The following BRCA2 variants were observed in gnomAD, a reference collection of about 807,000 sequenced individuals.
BRCA2 encodes breast cancer type 2 susceptibility protein.
BRCA2 carries 203 observed loss-of-function variants against 276.7 expected under a neutral mutation model. The observed-to-expected ratio is 0.73, with a 90% CI of 0.65 to 0.82. The LOEUF (loss-of-function observed/expected upper bound fraction) is 0.82. Ranked by LOEUF, BRCA2 falls within the 40% of genes least tolerant of loss-of-function variation. BRCA2 has a pLI of 0.00. For missense variants in BRCA2, 3,920 were observed against 3,915.0 expected (o/e 1.00, Z -0.03); for synonymous variants, 1,289 against 1,338.4 (o/e 0.96, Z 0.81).
rs71071031 is a variant in BRCA2, at chr13:32,368,001, C to CTTTTTTTTTTTT, written c.8332-2376_8332-2365dup. On this transcript the variant is annotated intron_variant, in intron 18 of 26. Transcript: ENST00000380152. ...ATTAGGGTTGTCTTTTCTTCTAATTCTTTTTTTTTTTTTTTTTTTTTTTTT... is the reference window on the plus strand; with the variant it reads ...ATTAGGGTTGTCTTTTCTTCTAATTCTTTTTTTTTTTTTTTTTTTTTTTTTTTTTTTTTTTTT... Among the ~76,000 whole-genome samples the CTTTTTTTTTTTT allele has an allele frequency of 7.9e-5, 4 of 50,728 alleles. 1 individual carries two copies. Among genetic ancestry groups the CTTTTTTTTTTTT allele is most frequent in the African/African-American group, 3.3e-4 (4 of 12,200 alleles). The allele number at this position is 50,728 out of a possible 152,430, so 33.3% of individuals were successfully genotyped here. A position where few individuals can be genotyped will look rare whatever the true frequency, so the allele number is the denominator to read the frequency against.
rs111835803 is a variant in BRCA2 at position 32,336,145 on chromosome 13, T to C, written c.1910-120T>C. The C allele has an allele frequency of 8.5e-5, 96 of 1,132,714 alleles. No individual in the cohort carries two copies. In the African/African-American group the frequency reaches 1.3e-3, roughly 15 times the overall value. 70.2% of individuals were successfully genotyped at this position (1,132,714 alleles called of 1,614,324 possible). A position where few individuals can be genotyped will look rare whatever the true frequency, so the allele number is the denominator to read the frequency against. Reference sequence around the variant, plus strand: ...TCTTCCTGCCTCAGCCTCCCAAAAGTGCTGAGATTACAGGCATGAGCCACT... The same window carrying C: ...TCTTCCTGCCTCAGCCTCCCAAAAGCGCTGAGATTACAGGCATGAGCCACT... On this transcript the variant is annotated intron_variant, in intron 10 of 26. Coordinates refer to ENST00000380152, the MANE Select transcript of BRCA2 (RefSeq NM_000059.4).
chr13:32,370,711 G>T (rs2072825670), intron 19 of BRCA2, among the ~76,000 whole-genome samples, 154 bp downstream of exon 19: 2 of 152,162 alleles, frequency 1.3e-5, no homozygotes, highest in Admixed American at 6.5e-5. Flanking sequence ...GGGTTCAAGT[G>T]ATTCTCCTGC....
chr13:32,353,904 G>A (rs1200757484), intron 13 of BRCA2, among the ~76,000 whole-genome samples: 1 of 152,188 alleles, frequency 6.6e-6, no homozygotes, highest in Non-Finnish European at 1.5e-5. Flanking sequence ...GATGCTATAT[G>A]TAGTGTAAAA....
rs1566253644 is a variant in BRCA2 at position 32,380,115 on chromosome 13, G to A, written c.9226G>A (p.Gly3076Arg). Reference protein sequence around the residue: ...QPSCSEVDLIGFVVSVVKKTG... With the variant: ...QPSCSEVDLIRFVVSVVKKTG... ...ATCTTGTTCTGAGGTGGACCTAATA[G>A]GATTTGTCGTTTCTGTTGTGAAAAA... is the stretch of plus-strand genomic sequence containing the variant. The change falls in exon 24 of 27, where the codon GGA becomes AGA. Residue 3076 changes from glycine (G) to arginine (R), a missense_variant. Coordinates refer to ENST00000380152, the MANE Select transcript of BRCA2 (RefSeq NM_000059.4). 6.2e-7 allele frequency: 1 copy of A among 1,613,724 alleles called. No individual in the cohort carries two copies. Among genetic ancestry groups the A allele is most frequent in the Admixed American group, 1.7e-5 (1 of 59,964 alleles).
chr13:32,390,980 T>C (rs1297205999), intron 24 of BRCA2, among the ~76,000 whole-genome samples: 1 of 152,170 alleles, frequency 6.6e-6, no homozygotes, highest in Non-Finnish European at 1.5e-5. Context: ...AGGGTCACAA[T>C]GCTATAAATT....
Position 32,336,504 on chromosome 13 carries a change from T to A in BRCA2, c.2149T>A (p.Cys717Ser), listed in dbSNP as rs1555282483. ...TCTGTCATGCCTGCAGGAAGGACAGTGTGAAAATGATCCAAAAAGCAAAAA... is the reference window on the plus strand; with the variant it reads ...TCTGTCATGCCTGCAGGAAGGACAGAGTGAAAATGATCCAAAAAGCAAAAA... ...DSLSCLQEGQ[C>S]ENDPKSKKVS... The change falls in exon 11 of 27, where the codon TGT becomes AGT. Residue 717 changes from cysteine to serine, a missense_variant. Around this residue, in one of 2 missense-constraint regions of BRCA2, gnomAD observed 3,263 missense variants for 3,156.9 expected, o/e 1.03. Coordinates refer to ENST00000380152, the MANE Select transcript of BRCA2 (RefSeq NM_000059.4). The A allele has an allele frequency of 6.2e-7, 1 of 1,614,006 alleles. No individual in the cohort carries two copies. Among genetic ancestry groups the A allele is most frequent in the Non-Finnish European group, 8.5e-7 (1 of 1,180,004 alleles).
In BRCA2 at chr13:32,332,951, T is replaced by A. The variant is rs2072414218; in HGVS notation, c.1473T>A (p.Thr491=). The change falls in exon 10 of 27, where the codon ACT becomes ACA. Residue 491 remains threonine, a synonymous_variant. Coordinates refer to ENST00000380152, the MANE Select transcript of BRCA2 (RefSeq NM_000059.4). ...CAGTAAAGCAGGCAATATCTGGAACTTCTCCAGTGGCTTCTTCATTTCAGG... is the reference window on the plus strand; with the variant it reads ...CAGTAAAGCAGGCAATATCTGGAACATCTCCAGTGGCTTCTTCATTTCAGG... The part of the protein sequence containing the change: ...ILAVKQAISG[T]SPVASSFQGI... 1 of 1,604,606 alleles carries A rather than the reference T, an allele frequency of 6.2e-7. No individual in the cohort carries two copies. The highest frequency in any genetic ancestry group is 8.5e-7 in the Non-Finnish European group (1 of 1,177,790).
At chr13:32,321,411 C>A (rs1399278297) in intron 3 of BRCA2, among the ~76,000 whole-genome samples, 1 of 152,132 alleles carries the variant, frequency 6.6e-6, no homozygotes, top group Non-Finnish European at 1.5e-5. Flanking sequence ...GTACCAAGTG[C>A]ATGAAAAGTG....
intron 15 of BRCA2, 112 bp from the exon 16 acceptor site, chr13:32,357,626 GTAGT>G (rs777762536): frequency 3.6e-5 from 35 of 970,286 alleles, no homozygotes; most frequent in Non-Finnish European, 5.0e-5. Context: ...GAAGATTCTA[GTAGT>G]TAATGAAAAT....
At chr13:32,325,980 A>G (rs963216259) in intron 4 of BRCA2, 121 bp from the exon 5 acceptor site, 1 of 855,002 alleles carries the variant, frequency 1.2e-6, no homozygotes, top group Admixed American at 2.6e-5. Context: ...TGTAATATAA[A>G]ATATCTAAAA....
Position 32,340,580 on chromosome 13 carries a change from A to C in BRCA2, c.6225A>C (p.Lys2075Asn), listed in dbSNP as rs80358863. 3.1e-6 allele frequency: 5 copies of C among 1,610,762 alleles called. No individual in the cohort carries two copies. The highest frequency in any genetic ancestry group is 4.2e-6 in the Non-Finnish European group (5 of 1,178,280). Residue 2075 changes from lysine (K) to asparagine (N), a missense_variant, in exon 11 of 27, where the codon AAA (lysine) becomes AAC (asparagine). By Grantham distance (94) the Lys-to-Asn change is moderately conservative (BLOSUM62 0). Around this residue, in one of 2 missense-constraint regions of BRCA2, gnomAD observed 3,263 missense variants for 3,156.9 expected, o/e 1.03. Coordinates refer to ENST00000380152, the MANE Select transcript of BRCA2 (RefSeq NM_000059.4). ...CCATTTTAGAAAGTTCCTTACACAA[A>C]GTTAAGGGAGTGTTAGAGGAATTTG... Reference protein sequence around the residue: ...QVSILESSLHKVKGVLEEFDL... With the variant: ...QVSILESSLHNVKGVLEEFDL...
At chr13:32,359,910 A>G (rs2072727603) in intron 16 of BRCA2, among the ~76,000 whole-genome samples, 1 of 152,256 alleles carries the variant, frequency 6.6e-6, no homozygotes, top group Admixed American at 6.5e-5. Context: ...GGAAAACAAA[A>G]AAGTCCCTGC....
intron 10 of BRCA2, among the ~76,000 whole-genome samples, chr13:32,335,115 A>G (rs978398268): frequency 6.6e-6 from 1 of 152,178 alleles, no homozygotes; most frequent in Non-Finnish European, 1.5e-5. Flanking sequence ...AGGCCAAGGC[A>G]GGCAGATCAC....
At chr13:32,362,387 A>G (rs1239912900) in intron 16 of BRCA2, 136 bp from the exon 17 acceptor site, 3 of 816,398 alleles carry the variant, frequency 3.7e-6, no homozygotes, top group African/African-American at 1.7e-5. Flanking sequence ...CTGAAATTAT[A>G]TTGTAGATCA....
intron 24 of BRCA2, among the ~76,000 whole-genome samples, chr13:32,390,081 A>G (rs1038225257): frequency 7.2e-5 from 11 of 152,160 alleles, no homozygotes; most frequent in African/African-American, 2.4e-4. Flanking sequence ...CCTTTTTAAA[A>G]TTTAATTTGT....
At chr13:32,358,564 G>A (rs1169530405) in intron 16 of BRCA2, among the ~76,000 whole-genome samples, 1 of 152,054 alleles carries the variant, frequency 6.6e-6, no homozygotes, top group Non-Finnish European at 1.5e-5. Flanking sequence ...GGCTGAGGTG[G>A]GCAGATCTCT....
At position 32,398,563 on chromosome 13, in the gene BRCA2, A is replaced by G. The variant is rs1060502468; in HGVS notation, c.10050A>G (p.Gln3350=). 1 of 1,614,160 alleles carries G rather than the reference A, an allele frequency of 6.2e-7. No individual in the cohort carries two copies. Among genetic ancestry groups the G allele is most frequent in the Non-Finnish European group, 8.5e-7 (1 of 1,180,024 alleles). The change falls in exon 27 of 27, where the codon CAA becomes CAG. Residue 3350 remains glutamine, a synonymous_variant. Transcript: ENST00000380152. ...AAGAACTTGCATTGATAAATACCCA[A>G]GCTCTTTTGTCTGGTTCAACAGGAG... ...ADEELALINT[Q]ALLSGSTGEK... is the part of the protein sequence containing the mutation.
chr13:32,356,281 G>A (rs1272930644), intron 14 of BRCA2, 147 bp from the exon 15 acceptor site: 8 of 715,878 alleles, frequency 1.1e-5, no homozygotes, highest in Non-Finnish European at 1.9e-5. Flanking sequence ...TTTTGGTCAG[G>A]CTGGTCTTGA....
intron 2 of BRCA2, 150 bp from the exon 3 acceptor site, chr13:32,318,927 A>G (rs2072282808): frequency 9.4e-7 from 1 of 1,063,924 alleles, no homozygotes; most frequent in African/African-American, 1.6e-5. Context: ...AAGAGAATGG[A>G]TTAATGATCT....
Sources: allele counts gnomAD v4.1 joint callset (sites outside exome capture counted in the v4.1 genomes callset), GRCh38; gene constraint gnomAD v4.1.1; regional missense constraint gnomAD v4.1.1; transcripts MANE v1.5; gene names NCBI Gene and HGNC (gene_info 2026-07-23, HGNC 2026-07-21).